Variants in INTS12 observed in about 807,000 individuals in gnomAD.
INTS12 encodes integrator complex subunit 12, also known as PHD finger protein 22.
A neutral mutation model predicts 41.6 loss-of-function variants in INTS12; 13 were observed. The observed-to-expected ratio is 0.31, with a 90% confidence interval of 0.20 to 0.50. The LOEUF (loss-of-function observed/expected upper bound fraction) is 0.50, where lower values mean the gene tolerates loss of function less well. Ranked by LOEUF, INTS12 falls within the 20% of genes least tolerant of loss-of-function variation. The pLI, the probability that INTS12 is intolerant of heterozygous loss-of-function variation, is 0.98. For synonymous variants in INTS12, 199 were observed against 191.4 expected (o/e 1.04, Z -0.33); for missense variants, 432 against 541.6 (o/e 0.80, Z 2.01).
In INTS12 at chr4:105,686,997, A is replaced by G. The variant is rs1475912948; in HGVS notation, c.658-159T>C. 10 of 633,762 alleles carry G rather than the reference A, an allele frequency of 1.6e-5. No homozygotes were observed. In the Admixed American group the frequency reaches 2.5e-4, roughly 16 times the overall value. 39.3% of individuals were successfully genotyped at this position (633,762 alleles called of 1,614,324 possible). On this transcript the variant is annotated intron_variant, in intron 6 of 7. Transcript: ENST00000340139. ...TATATATGCTCTTTGACAAATTATT[A>G]TCATATTAATGGTCTTACAGATTGT...
In INTS12 at chr4:105,693,435, C is replaced by T. The variant is rs1392046222; in HGVS notation, c.361G>A (p.Glu121Lys). 1 of 1,613,630 alleles carries T rather than the reference C, an allele frequency of 6.2e-7. No individual in the cohort carries two copies. The highest frequency in any genetic ancestry group is 8.5e-7 in the Non-Finnish European group (1 of 1,179,658). ...GGAGATGACTGTGTTTCTGGTTTCT[C>T]CAATCTAGGTTTCTTTGGAATATCA... is the stretch of plus-strand genomic sequence containing the variant. Reference protein sequence around the residue: ...GVDIPKKPRLEKPETQSSPIT... With the variant: ...GVDIPKKPRLKKPETQSSPIT... Residue 121 changes from glutamate (E) to lysine (K), a missense_variant, in exon 5 of 8, where the codon GAG becomes AAG. Coordinates refer to ENST00000340139, the MANE Select transcript of INTS12 (RefSeq NM_020395.4).
At chr4:105,708,009 C>T (rs1732359402) in intron 1 of INTS12, 2 of 985,290 alleles carry the variant, frequency 2.0e-6, no homozygotes, top group Non-Finnish European at 2.4e-6. Flanking sequence ...GCAGTATTAT[C>T]GTTGCCATTT....
chr4:105,696,095 C>T (rs1255103242), intron 3 of INTS12, among the ~76,000 whole-genome samples: 1 of 152,176 alleles, frequency 6.6e-6, no homozygotes, highest in African/African-American at 2.4e-5. Flanking sequence ...AAATGATCCG[C>T]CCACCTCGGC....
intron 3 of INTS12, among the ~76,000 whole-genome samples, chr4:105,696,609 T>C (rs554288483): frequency 3.0e-4 from 45 of 152,324 alleles, no homozygotes; most frequent in Non-Finnish European, 1.3e-4. Context: ...AATTTACCTA[T>C]TGATGGATAT....
intron 6 of INTS12, among the ~76,000 whole-genome samples, chr4:105,691,646 T>C (rs1731689121): frequency 6.6e-6 from 1 of 152,224 alleles, no homozygotes; most frequent in Admixed American, 6.5e-5. Context: ...GGGCTTTGTA[T>C]CTCACCACTT....
chr4:105,695,707 G>C, intron 3 of INTS12, 39 bp from the exon 4 acceptor site: 1 of 1,482,958 alleles, frequency 6.7e-7, no homozygotes, highest in Non-Finnish European at 9.2e-7. Flanking sequence ...TAAATATTTA[G>C]ACTGATCATC....
At chr4:105,685,612 G>T (rs1308508830) in intron 7 of INTS12, among the ~76,000 whole-genome samples, 2 of 151,832 alleles carry the variant, frequency 1.3e-5, no homozygotes, top group Non-Finnish European at 2.9e-5. Context: ...CTTAGATAAG[G>T]CAATAACTTT....
chr4:105,686,925 A>ATTTC, intron 6 of INTS12, 87 bp from the exon 7 acceptor site: 1 of 1,146,344 alleles, frequency 8.7e-7, no homozygotes, highest in Non-Finnish European at 1.3e-6. Context: ...TCATCACTGA[A>ATTTC]ATGAAATACA....
Position 105,683,071 on chromosome 4 carries a change from T to C in INTS12, c.1051A>G (p.Asn351Asp), listed in dbSNP as rs1481966121. 6.2e-7 allele frequency: 1 copy of C among 1,614,102 alleles called. No homozygotes were observed. The highest frequency in any genetic ancestry group is 8.5e-7 in the Non-Finnish European group (1 of 1,179,944). ...GGTACAGTGGGCGTAGTGCTGTTAT[T>C]GGAACCTATTTTGGAACCTATTCCA... ...KGGIGSKIGS[N>D]NSTTPTVPLK... The change falls in exon 8 of 8, where the codon AAT becomes GAT. Residue 351 changes from asparagine (N) to aspartate (D), a missense_variant. Coordinates refer to ENST00000340139, the MANE Select transcript of INTS12 (RefSeq NM_020395.4).
chr4:105,684,566 C>T lies in INTS12; in HGVS notation c.805-1249G>A, dbSNP rs150398564. ...AACAAAAATAGAGTTCTGAGATATT[C>T]GATTTATAAGAGAAGGAATCCAGAT... On this transcript the variant is annotated intron_variant, in intron 7 of 7. Transcript: ENST00000340139. Among the ~76,000 whole-genome samples the T allele has an allele frequency of 2.8e-3, 425 of 151,976 alleles. 4 individuals carry two copies. The highest frequency in any genetic ancestry group is 2.1e-3 in the East Asian group (11 of 5,170).
chr4:105,699,452 T>A (rs1441999147), intron 3 of INTS12, among the ~76,000 whole-genome samples: 1 of 152,202 alleles, frequency 6.6e-6, no homozygotes, highest in Non-Finnish European at 1.5e-5. Context: ...ATCCTACCCA[T>A]ATTCAATTTA....
chr4:105,690,311 G>A (rs1487233363), intron 6 of INTS12, among the ~76,000 whole-genome samples: 1 of 152,202 alleles, frequency 6.6e-6, no homozygotes, highest in African/African-American at 2.4e-5. Context: ...GCATATATAA[G>A]TAGGTAAATA....
chr4:105,699,738 C>A lies in INTS12; in HGVS notation c.156+112G>T, dbSNP rs563352025. ...AAATAAAGAATATAATTTCTTCATG[C>A]TACAAGGAAAGATTATTTCGGCAGA... On this transcript the variant is annotated intron_variant, in intron 3 of 7. Coordinates refer to ENST00000340139, the MANE Select transcript of INTS12 (RefSeq NM_020395.4). 6.4e-6 allele frequency: 5 copies of A among 784,092 alleles called. No homozygotes were observed. In the African/African-American group the frequency reaches 7.1e-5, roughly 11 times the overall value. The allele number at this position is 784,092 out of a possible 1,614,324, so 48.6% of individuals were successfully genotyped here. A position where few individuals can be genotyped will look rare whatever the true frequency, so the allele number is the denominator to read the frequency against.
At position 105,695,600 on chromosome 4, in the gene INTS12, G is replaced by A; in HGVS notation, c.225C>T (p.Ser75=). Residue 75 remains serine, a synonymous_variant, in exon 4 of 8, where the codon TCC becomes TCT. Transcript: ENST00000340139. ...CATTATTATTACCAGAAGGAAGACT[G>A]GATGATATTTTGGGCTCTTGCTTAA... ...ISIKQEPKIS[S]SLPSGNNNGK... 2 of 1,613,178 alleles carry A rather than the reference G, an allele frequency of 1.2e-6. No homozygotes were observed. Among genetic ancestry groups the A allele is most frequent in the Non-Finnish European group, 1.7e-6 (2 of 1,179,586 alleles).
chr4:105,697,914 G>A (rs959374678), intron 3 of INTS12, among the ~76,000 whole-genome samples: 29 of 152,166 alleles, frequency 1.9e-4, no homozygotes, highest in African/African-American at 6.5e-4. Flanking sequence ...GCCAAGCATG[G>A]TGGCATGCAC....
At chr4:105,693,234 G>A in intron 5 of INTS12, 65 bp downstream of exon 5, 1 of 1,284,450 alleles carries the variant, frequency 7.8e-7, no homozygotes, top group Non-Finnish European at 1.0e-6. Context: ...TGGGGGTTGA[G>A]GAGTGGAAAG....
At chr4:105,689,945 C>T (rs1731627023) in intron 6 of INTS12, among the ~76,000 whole-genome samples, 1 of 152,120 alleles carries the variant, frequency 6.6e-6, no homozygotes, top group Admixed American at 6.6e-5. Context: ...TTTTATTTAA[C>T]TTAAGAACAA....
chr4:105,698,078 T>A (rs2149187047), intron 3 of INTS12, among the ~76,000 whole-genome samples: 1 of 152,164 alleles, frequency 6.6e-6, no homozygotes, highest in African/African-American at 2.4e-5. Context: ...AACAAAAACG[T>A]GTATTGTGTG....
chr4:105,695,651 T>C lies in INTS12; in HGVS notation c.174A>G (p.Lys58=). ...RPSQKDVEPP[K]ISSTKNISIK... is the part of the protein sequence containing the mutation. ...TGGAAATGTTTTTTGTGCTTGAAAT[T>C]TTGGGTGGCTCCACATCCTAAAAGA... The change falls in exon 4 of 8, where the codon AAA becomes AAG. Residue 58 remains lysine, a synonymous_variant. Coordinates refer to ENST00000340139, the MANE Select transcript of INTS12 (RefSeq NM_020395.4). The C allele has an allele frequency of 6.2e-7, 1 of 1,612,594 alleles. No individual in the cohort carries two copies.
Sources: allele counts gnomAD v4.1 joint callset (sites outside exome capture counted in the v4.1 genomes callset), GRCh38; gene constraint gnomAD v4.1.1; transcripts MANE v1.5; gene names NCBI Gene and HGNC (gene_info 2026-07-23, HGNC 2026-07-21).